PPFIA2: variants seen among roughly 807,000 people sequenced by gnomAD.
The protein encoded by PPFIA2 is PPFI scaffold protein A2, also known as liprin-alpha-2.
A neutral mutation model predicts 175.5 loss-of-function variants in PPFIA2; 46 were observed. That is an observed-to-expected ratio of 0.26 (90% CI 0.21 to 0.34). PPFIA2 has a LOEUF of 0.34. Among genes scored for constraint, PPFIA2 ranks in the 10% least tolerant of loss-of-function variants. The pLI, the probability that PPFIA2 is intolerant of heterozygous loss-of-function variation, is 1.00. For missense variants in PPFIA2, 1,179 were observed against 1,506.1 expected, an observed-to-expected ratio of 0.78 and a Z score of 3.60; for synonymous variants, 568 against 511.4, an observed-to-expected ratio of 1.11 and a Z score of -1.49.
intron 3 of PPFIA2, among the ~76,000 whole-genome samples, chr12:81,695,333 G>A (rs1376670275): frequency 6.6e-6 from 1 of 152,140 alleles, no homozygotes; most frequent in Non-Finnish European, 1.5e-5. Flanking sequence ...GATCATAGGA[G>A]CATATCCTTC....
intron 7 of PPFIA2, among the ~76,000 whole-genome samples, chr12:81,422,108 A>G (rs1375426298): frequency 6.8e-6 from 1 of 146,214 alleles, no homozygotes; most frequent in Non-Finnish European, 1.5e-5. Context: ...GTGTGTATAT[A>G]TATGTGTATA....
chr12:81,417,225 A>T (rs2045451810), intron 7 of PPFIA2: 1 of 151,732 alleles, frequency 6.6e-6, no homozygotes, highest in Non-Finnish European at 1.5e-5. Context: ...CATCAATTTG[A>T]GTCTCTTAAA....
At chr12:81,434,956 T>C (rs2048724724) in intron 7 of PPFIA2, among the ~76,000 whole-genome samples, 1 of 152,156 alleles carries the variant, frequency 6.6e-6, no homozygotes, top group African/African-American at 2.4e-5. Flanking sequence ...ATTCCTGTCA[T>C]AATGAATTAT....
intron 4 of PPFIA2, among the ~76,000 whole-genome samples, chr12:81,495,859 T>C (rs1422960668): frequency 6.6e-6 from 1 of 152,286 alleles, no homozygotes; most frequent in Non-Finnish European, 1.5e-5. Flanking sequence ...GGCTCCAATT[T>C]TAAAATGTTC....
chr12:81,624,986 CAAAA>C (rs2062523154), intron 4 of PPFIA2, among the ~76,000 whole-genome samples: 1 of 151,604 alleles, frequency 6.6e-6, no homozygotes, highest in African/African-American at 2.4e-5. Context: ...AATAACAAAA[CAAAA>C]ATAAATCAAT....
intron 4 of PPFIA2, among the ~76,000 whole-genome samples, chr12:81,601,917 T>C (rs1014816177): frequency 1.3e-5 from 2 of 151,914 alleles, no homozygotes; most frequent in Non-Finnish European, 2.9e-5. Flanking sequence ...CCATCTTCTA[T>C]TAAAAACCTC....
At position 81,555,963 on chromosome 12, in the gene PPFIA2, G is replaced by T. The variant is rs146381717; in HGVS notation, c.304-98097C>A. ...GAGTTTTTAAAAATAGAGACCCTTG[G>T]GGTTTCATCCTCTAAATTAAGTGTT... On this transcript the variant is annotated intron_variant, in intron 4 of 32. Coordinates refer to ENST00000549396, the MANE Select transcript of PPFIA2 (RefSeq NM_003625.5). 6.3e-3 allele frequency among the ~76,000 whole-genome samples: 954 copies of T among 151,774 alleles called. 6 individuals carry two copies. The highest frequency in any genetic ancestry group is 0.01 in the Non-Finnish European group (704 of 67,800).
At chr12:81,554,194 T>C (rs1330271856) in intron 4 of PPFIA2, among the ~76,000 whole-genome samples, 1 of 151,966 alleles carries the variant, frequency 6.6e-6, no homozygotes, top group Non-Finnish European at 1.5e-5. Flanking sequence ...GGGATACAAG[T>C]GATGTCAAGA....
intron 22 of PPFIA2, among the ~76,000 whole-genome samples, chr12:81,320,978 G>T (rs1208365802): frequency 6.6e-6 from 1 of 151,210 alleles, no homozygotes; most frequent in Non-Finnish European, 1.5e-5. Context: ...GTAGAAAAAT[G>T]AAACAAAACA....
At chr12:81,373,064 T>C (rs760863416) in intron 11 of PPFIA2, among the ~76,000 whole-genome samples, 23 of 151,888 alleles carry the variant, frequency 1.5e-4, no homozygotes, top group Non-Finnish European at 2.9e-4. Context: ...ATAGTGTTTT[T>C]TATGTCAAAT....
At chr12:81,356,578 G>A (rs1258084951) in intron 16 of PPFIA2, among the ~76,000 whole-genome samples, 1 of 152,020 alleles carries the variant, frequency 6.6e-6, no homozygotes, top group Non-Finnish European at 1.5e-5. Flanking sequence ...TGGGAGGATT[G>A]CTTGAGCTCA....
At chr12:81,630,650 T>A (rs1288348058) in intron 4 of PPFIA2, among the ~76,000 whole-genome samples, 1 of 152,082 alleles carries the variant, frequency 6.6e-6, no homozygotes, top group African/African-American at 2.4e-5. Flanking sequence ...CCTTCCCAGA[T>A]TAATACCTTC....
chr12:81,415,665 T>C (rs2045091324), intron 7 of PPFIA2, among the ~76,000 whole-genome samples: 1 of 150,742 alleles, frequency 6.6e-6, no homozygotes, highest in African/African-American at 2.4e-5. Context: ...AAAACTGTTA[T>C]TTTTAGTTTT....
chr12:81,721,567 G>A (rs2079345461), intron 3 of PPFIA2, among the ~76,000 whole-genome samples: 1 of 151,194 alleles, frequency 6.6e-6, no homozygotes, highest in Middle Eastern at 3.2e-3. Context: ...GATTTCAAAA[G>A]AATTGGGGGT....
At chr12:81,362,070 G>A (rs979873708) in intron 15 of PPFIA2, among the ~76,000 whole-genome samples, 1 of 150,938 alleles carries the variant, frequency 6.6e-6, no homozygotes, top group Admixed American at 6.6e-5. Flanking sequence ...CAAGTAAGCT[G>A]CCATCCATTG....
At chr12:81,581,657 G>A (rs554083895) in intron 4 of PPFIA2, among the ~76,000 whole-genome samples, 1 of 151,324 alleles carries the variant, frequency 6.6e-6, no homozygotes, top group South Asian at 2.1e-4. Context: ...TCACTTCCTT[G>A]CCGTAATTTA....
At chr12:81,335,377 C>T (rs561190448) in intron 21 of PPFIA2, among the ~76,000 whole-genome samples, 8 of 152,190 alleles carry the variant, frequency 5.3e-5, no homozygotes, top group African/African-American at 1.4e-4. Flanking sequence ...AAGTACATAT[C>T]GGTCCTGTTG....
intron 4 of PPFIA2, among the ~76,000 whole-genome samples, chr12:81,607,411 T>C (rs968015317): frequency 6.6e-6 from 1 of 152,146 alleles, no homozygotes; most frequent in Non-Finnish European, 1.5e-5. Context: ...TTTAATGATA[T>C]TGGTCCTACA....
intron 4 of PPFIA2, among the ~76,000 whole-genome samples, chr12:81,660,560 T>A (rs932103907): frequency 1.2e-4 from 19 of 152,092 alleles, no homozygotes; most frequent in Admixed American, 2.6e-4. Flanking sequence ...AAAGACCAAA[T>A]CTACGTCCCA....
Sources: allele counts gnomAD v4.1 joint callset (sites outside exome capture counted in the v4.1 genomes callset), GRCh38; gene constraint gnomAD v4.1.1; transcripts MANE v1.5; gene names NCBI Gene and HGNC (gene_info 2026-07-23, HGNC 2026-07-21).